ATAD2B: variants seen among roughly 807,000 people sequenced by gnomAD.
ATAD2B encodes the protein ATPase family AAA domain-containing protein 2B.
A neutral mutation model predicts 167.6 loss-of-function variants in ATAD2B; 40 were observed. The ratio of observed to expected loss-of-function variants is 0.24; its 90% CI spans 0.19 to 0.31. The LOEUF (loss-of-function observed/expected upper bound fraction) is 0.31, where lower values mean the gene tolerates loss of function less well. Among genes scored for constraint, ATAD2B ranks in the 10% least tolerant of loss-of-function variants. ATAD2B has a pLI of 1.00. For synonymous variants in ATAD2B, 579 were observed against 596.5 expected (o/e 0.97, Z 0.43); for missense variants, 1,242 against 1,757.2 (o/e 0.71, Z 5.24).
At chr2:23,706,333 G>GTTA in the ATAD2B span, 7 of 566,872 alleles carry the variant, frequency 1.2e-5, no homozygotes, top group African/African-American at 1.4e-4. Flanking sequence ...TGCCAGCCCA[G>GTTA]GTTAGAGGGC....
rs538306596 is a variant in ATAD2B, at chr2:23,825,274, T to C, written c.1820-1705A>G. On this transcript the variant is annotated intron_variant, in intron 15 of 27. Coordinates refer to ENST00000238789, the MANE Select transcript of ATAD2B (RefSeq NM_017552.4). The stretch of plus-strand genomic sequence containing the variant: ...ATCTTTTTATACCTCACAATGACCT[T>C]ATAGAACACTTAAATACTGAACTAA... 7.9e-5 allele frequency among the ~76,000 whole-genome samples: 12 copies of C among 152,048 alleles called. No homozygotes were observed. The East Asian group carries it at 2.3e-3, about 29-fold the overall frequency.
chr2:23,886,517 C>A (rs1698677767), intron 4 of ATAD2B, among the ~76,000 whole-genome samples: 1 of 151,886 alleles, frequency 6.6e-6, no homozygotes, highest in African/African-American at 2.4e-5. Flanking sequence ...ATTATTTTAT[C>A]TTTATTTGTA....
intron 18 of ATAD2B, among the ~76,000 whole-genome samples, chr2:23,809,457 G>C (rs140812748): frequency 2.6e-5 from 4 of 152,074 alleles, no homozygotes; most frequent in African/African-American, 9.7e-5. Context: ...CTTTCAGTTA[G>C]ATAATTACAG....
the ATAD2B span, chr2:23,703,771 C>A: frequency 2.1e-5 from 32 of 1,537,268 alleles, no homozygotes; most frequent in African/African-American, 4.1e-4. Context: ...TCATCCTGGG[C>A]GGGGCTTATG....
the ATAD2B span, among the ~76,000 whole-genome samples, chr2:23,705,056 A>G: frequency 2.0e-5 from 3 of 152,232 alleles, no homozygotes; most frequent in Admixed American, 1.3e-4. Context: ...AGATTTCACA[A>G]TTCTTGAGCC....
intron 12 of ATAD2B, among the ~76,000 whole-genome samples, chr2:23,858,664 G>A (rs1693840273): frequency 6.6e-6 from 1 of 151,706 alleles, no homozygotes; most frequent in Admixed American, 6.6e-5. Context: ...TTAAGTATTT[G>A]GAGAGATGAG....
chr2:23,908,504 T>C (rs1458463142), intron 1 of ATAD2B, among the ~76,000 whole-genome samples: 1 of 152,110 alleles, frequency 6.6e-6, no homozygotes, highest in East Asian at 1.9e-4. Context: ...CTGGAGAGGA[T>C]GTGGAGAAAT....
intron 2 of ATAD2B, among the ~76,000 whole-genome samples, chr2:23,894,154 A>G (rs1699892541): frequency 6.6e-6 from 1 of 152,036 alleles, no homozygotes; most frequent in African/African-American, 2.4e-5. Context: ...TGCTCTCCCA[A>G]AATTTTTGAG....
At chr2:23,708,972 C>T in the ATAD2B span, among the ~76,000 whole-genome samples, 21 of 152,184 alleles carry the variant, frequency 1.4e-4, no homozygotes, top group African/African-American at 5.1e-4. Flanking sequence ...AGCTCATGAG[C>T]CTAAGAGGAG....
intron 18 of ATAD2B, among the ~76,000 whole-genome samples, chr2:23,804,788 C>A (rs1684093783): frequency 6.6e-6 from 1 of 151,278 alleles, no homozygotes. Context: ...AATATATATA[C>A]AAATTAACCA....
chr2:23,765,455 C>A, intron 23 of ATAD2B, 51 bp downstream of exon 23: 1 of 1,488,220 alleles, frequency 6.7e-7, no homozygotes, highest in Non-Finnish European at 9.1e-7. Context: ...GTACTCTTGG[C>A]CTGAACAGAG....
At chr2:23,913,041 A>T (rs1702529960) in intron 1 of ATAD2B, among the ~76,000 whole-genome samples, 1 of 152,212 alleles carries the variant, frequency 6.6e-6, no homozygotes, top group Non-Finnish European at 1.5e-5. Flanking sequence ...ATATGGAACA[A>T]GAGATTTTTG....
chr2:23,889,699 C>A (rs1486927630), intron 2 of ATAD2B, among the ~76,000 whole-genome samples: 3 of 151,346 alleles, frequency 2.0e-5, no homozygotes, highest in African/African-American at 7.3e-5. Context: ...GCAGGTGGAT[C>A]ACCTGAGGTC....
chr2:23,819,604 TAA>T, intron 17 of ATAD2B, 141 bp downstream of exon 17: 1 of 626,246 alleles, frequency 1.6e-6, no homozygotes, highest in East Asian at 3.4e-5. Flanking sequence ...GAATACATAG[TAA>T]AAGTTTTCCA....
the ATAD2B span, among the ~76,000 whole-genome samples, chr2:23,683,658 C>T: frequency 6.6e-6 from 1 of 152,196 alleles, no homozygotes; most frequent in Admixed American, 6.5e-5. Context: ...CCTCCGAGGC[C>T]ACTTCCTGGG....
the ATAD2B span, chr2:23,697,643 C>CTCAT: frequency 6.6e-6 from 1 of 152,170 alleles, no homozygotes; most frequent in African/African-American, 2.4e-5. Flanking sequence ...GCTCTGAATG[C>CTCAT]TCATTGTGGG....
At chr2:23,696,071 T>C in the ATAD2B span, 1 of 1,551,734 alleles carries the variant, frequency 6.4e-7, no homozygotes, top group Admixed American at 2.0e-5. The surrounding 1 kb of genome is among the most constrained non-coding windows in gnomAD (Gnocchi z 5.5). Context: ...TTGGCCTCGC[T>C]GCCCTTCTAT....
intron 27 of ATAD2B, among the ~76,000 whole-genome samples, chr2:23,753,023 T>A (rs924034712): frequency 6.6e-6 from 1 of 152,056 alleles, no homozygotes. Context: ...TTAAAAAAAA[T>A]GTGAATAACT....
At chr2:23,811,468 C>T (rs1434952482) in intron 17 of ATAD2B, 1 of 152,272 alleles carries the variant, frequency 6.6e-6, no homozygotes, top group African/African-American at 2.4e-5. Context: ...GAGCCTTCAT[C>T]TTAGACTTTC....
Sources: gnomAD v4.1 joint callset for allele counts (sites outside exome capture counted in the v4.1 genomes callset) on GRCh38, gnomAD v4.1.1 for gene constraint, Gnocchi (gnomAD v3.1) non-coding constraint, MANE v1.5 for transcripts, NCBI Gene and HGNC (gene_info 2026-07-23, HGNC 2026-07-21) for gene names.